The following GNG7 variants were observed in gnomAD, a reference collection of about 807,000 sequenced individuals.
The protein encoded by GNG7 is G protein subunit gamma 7, also known as guanine nucleotide-binding protein G(I)/G(S)/G(O) subunit gamma-7.
Under a neutral mutation model 4.0 loss-of-function variants are expected in GNG7, and 1 was observed. That is an observed-to-expected ratio of 0.25 (90% CI 0.09 to 1.18). The LOEUF is 1.18. Ranked by LOEUF, GNG7 falls within the 50% of genes most tolerant of loss-of-function variation. GNG7 has a pLI of 0.50. For synonymous variants in GNG7, 34 were observed against 36.9 expected, an observed-to-expected ratio of 0.92 and a Z score of 0.29; for missense variants, 86 against 91.9, an observed-to-expected ratio of 0.94 and a Z score of 0.26.
chr19:2,579,168 C>A (rs1339737546), intron 2 of GNG7, among the ~76,000 whole-genome samples: 1 of 152,272 alleles, frequency 6.6e-6, no homozygotes, highest in African/African-American at 2.4e-5. Context: ...GTGCCCCCGG[C>A]CGGGCAGGTC....
At chr19:2,694,101 GT>G (rs781450999) in intron 1 of GNG7, among the ~76,000 whole-genome samples, 12 of 152,124 alleles carry the variant, frequency 7.9e-5, no homozygotes, top group Non-Finnish European at 1.6e-4. Flanking sequence ...TCTCTCTGGG[GT>G]TGGGCTACAT....
At chr19:2,656,976 C>A (rs557574715) in intron 1 of GNG7, among the ~76,000 whole-genome samples, 1 of 152,092 alleles carries the variant, frequency 6.6e-6, no homozygotes, top group South Asian at 2.1e-4. Context: ...GGGGGTGGGG[C>A]AGCGGAGAGG....
rs368829497 is a variant in GNG7 at position 2,546,377 on chromosome 19, C to T, written c.-38+8772G>A. Reference sequence around the variant, plus strand: ...CGGCTGTGTGTGGGGCCTTCCGTGCCAGCTCTGACCGTTGGTGGCTCTGTG... The same window carrying T: ...CGGCTGTGTGTGGGGCCTTCCGTGCTAGCTCTGACCGTTGGTGGCTCTGTG... On this transcript the variant is annotated intron_variant, in intron 3 of 4. Transcript: ENST00000382159. This position sits in a 1 kb window ranked among gnomAD's most constrained non-coding sequence, Gnocchi z 6.3. Among the ~76,000 whole-genome samples, 1 of 152,238 alleles carries T rather than the reference C, an allele frequency of 6.6e-6. No homozygotes were observed. Among genetic ancestry groups the T allele is most frequent in the East Asian group, 1.9e-4 (1 of 5,190 alleles).
At chr19:2,567,518 G>C (rs936447597) in intron 2 of GNG7, among the ~76,000 whole-genome samples, 3 of 152,074 alleles carry the variant, frequency 2.0e-5, no homozygotes, top group Non-Finnish European at 4.4e-5. Flanking sequence ...TATAGATGGG[G>C]TTTCGCCATT....
rs1348771587 is a variant in GNG7, at chr19:2,681,124, G to A, written c.-135+21522C>T. ...ACCCTCCCAAGTAGCTGGGACTACA[G>A]GTGTGCCCCAGCAGGCCTGGCTAAT... On this transcript the variant is annotated intron_variant, in intron 1 of 4. Coordinates refer to ENST00000382159, the MANE Select transcript of GNG7 (RefSeq NM_052847.3). 2.0e-5 allele frequency among the ~76,000 whole-genome samples: 3 copies of A among 152,090 alleles called. 1 individual carries two copies. Among genetic ancestry groups the A allele is most frequent in the Admixed American group, 2.0e-4 (3 of 15,250 alleles).
intron 2 of GNG7, among the ~76,000 whole-genome samples, chr19:2,580,759 G>C (rs1338229078): frequency 1.3e-5 from 2 of 151,282 alleles, no homozygotes; most frequent in African/African-American, 4.9e-5. Context: ...ACCAAGCCCA[G>C]TTAATTTTTA....
At chr19:2,672,224 AG>A (rs1187758581) in intron 1 of GNG7, among the ~76,000 whole-genome samples, 3 of 151,696 alleles carry the variant, frequency 2.0e-5, no homozygotes, top group Non-Finnish European at 4.4e-5. Flanking sequence ...CAGTAGAGAC[AG>A]GGTTTTGCCA....
chr19:2,605,725 C>G (rs375403820), intron 2 of GNG7, among the ~76,000 whole-genome samples: 3,445 of 150,340 alleles, frequency 0.023, 55 homozygotes, highest in African/African-American at 0.046. Flanking sequence ...TGTTGGCCAG[C>G]ATGGTCTCGA....
chr19:2,658,051 T>A (rs1983041335), intron 1 of GNG7, among the ~76,000 whole-genome samples: 1 of 152,114 alleles, frequency 6.6e-6, no homozygotes, highest in African/African-American at 2.4e-5. Flanking sequence ...CAGCCTGGCA[T>A]TTGGGGCCAC....
chr19:2,670,376 C>T (rs1209302536), intron 1 of GNG7, among the ~76,000 whole-genome samples: 1 of 152,314 alleles, frequency 6.6e-6, no homozygotes, highest in Non-Finnish European at 1.5e-5. Context: ...GCTGTCACCT[C>T]GACCCCGCTG....
At chr19:2,593,601 G>A (rs893824351) in intron 2 of GNG7, among the ~76,000 whole-genome samples, 5 of 151,840 alleles carry the variant, frequency 3.3e-5, no homozygotes, top group Admixed American at 6.6e-5. Context: ...AAAATTAGCC[G>A]GGCATGGGGG....
intron 2 of GNG7, among the ~76,000 whole-genome samples, chr19:2,592,168 A>C (rs1043434081): frequency 3.3e-5 from 5 of 152,204 alleles, no homozygotes; most frequent in African/African-American, 1.2e-4. Context: ...GATGTAAGAA[A>C]AACTGTAAAG....
At chr19:2,598,360 CTG>C in intron 2 of GNG7, among the ~76,000 whole-genome samples, 1 of 152,044 alleles carries the variant, frequency 6.6e-6, no homozygotes, top group African/African-American at 2.4e-5. Context: ...CACATCTCTA[CTG>C]AAAATACAGA....
chr19:2,661,336 G>GAA (rs1983169279), intron 1 of GNG7, among the ~76,000 whole-genome samples: 1 of 145,298 alleles, frequency 6.9e-6, no homozygotes, highest in Non-Finnish European at 1.5e-5. Flanking sequence ...AAGAAAGAAA[G>GAA]AAAGAAAGAA....
At chr19:2,534,601 G>A (rs916169525) in intron 3 of GNG7, among the ~76,000 whole-genome samples, 5 of 152,218 alleles carry the variant, frequency 3.3e-5, no homozygotes, top group Non-Finnish European at 2.9e-5. Flanking sequence ...GGGGCCATGA[G>A]GGAGATGGCT....
At chr19:2,616,919 G>A (rs934564851) in intron 2 of GNG7, among the ~76,000 whole-genome samples, 4 of 152,172 alleles carry the variant, frequency 2.6e-5, no homozygotes, top group African/African-American at 9.7e-5. Context: ...CTCATCTGGG[G>A]TCACGGGATA....
intron 2 of GNG7, among the ~76,000 whole-genome samples, chr19:2,613,012 C>T (rs183714710): frequency 2.0e-5 from 3 of 151,946 alleles, no homozygotes; most frequent in African/African-American, 4.8e-5. Flanking sequence ...ATTTTTAGAG[C>T]GGAGGAGGTA....
chr19:2,656,417 C>A (rs1402850184), intron 1 of GNG7, among the ~76,000 whole-genome samples: 1 of 152,186 alleles, frequency 6.6e-6, no homozygotes, highest in Non-Finnish European at 1.5e-5. Context: ...GCCTGGCCAA[C>A]ATGGCGAAAC....
intron 2 of GNG7, among the ~76,000 whole-genome samples, chr19:2,604,086 G>A (rs141295251): frequency 0.041 from 6,255 of 151,932 alleles, 190 homozygotes; most frequent in Non-Finnish European, 0.059. Context: ...TCTTGACCTC[G>A]TGATCCACCC....
Sources: gnomAD v4.1 joint callset for allele counts (sites outside exome capture counted in the v4.1 genomes callset) on GRCh38, gnomAD v4.1.1 for gene constraint, Gnocchi (gnomAD v3.1) non-coding constraint, MANE v1.5 for transcripts, NCBI Gene and HGNC (gene_info 2026-07-23, HGNC 2026-07-21) for gene names.